Variants in MRTFB observed in about 807,000 individuals in gnomAD.
MRTFB encodes myocardin related transcription factor B.
MRTFB carries 29 observed loss-of-function variants against 104.2 expected under a neutral mutation model. That is an observed-to-expected ratio of 0.28 (90% confidence interval 0.21 to 0.38). The LOEUF is 0.38. Ranked by LOEUF, MRTFB falls within the 10% of genes least tolerant of loss-of-function variation. MRTFB has a pLI of 1.00. For missense variants in MRTFB, 1,270 were observed against 1,341.6 expected (o/e 0.95, Z 0.83); for synonymous variants, 535 against 519.5 (o/e 1.03, Z -0.41).
chr16:14,225,696 G>T (rs553448558), intron 8 of MRTFB, among the ~76,000 whole-genome samples: 262 of 143,028 alleles, frequency 1.8e-3, no homozygotes, highest in African/African-American at 6.9e-3. Flanking sequence ...ATTCATTCAT[G>T]CCTGGCTAAT....
At chr16:14,200,078 T>C (rs2040614113) in intron 3 of MRTFB, 3 of 534,364 alleles carry the variant, frequency 5.6e-6, no homozygotes, top group Non-Finnish European at 9.9e-6. Flanking sequence ...GCACAACCAT[T>C]TGGAAGGCAA....
At chr16:14,042,721 G>A in the MRTFB span, among the ~76,000 whole-genome samples, 2 of 152,128 alleles carry the variant, frequency 1.3e-5, no homozygotes, top group Non-Finnish European at 2.9e-5. Context: ...ACAGCTCCTT[G>A]CTTCTGAATT....
intron 11 of MRTFB, 25 bp from the exon 12 acceptor site, chr16:14,246,443 CTAAGA>C (rs2043020582): frequency 1.2e-6 from 2 of 1,604,770 alleles, no homozygotes; most frequent in African/African-American, 1.3e-5. Flanking sequence ...AGCTCTAATA[CTAAGA>C]TATCTGCTTT....
chr16:14,117,549 GTGTT>G (rs1297470555), intron 2 of MRTFB, among the ~76,000 whole-genome samples: 1 of 152,208 alleles, frequency 6.6e-6, no homozygotes, highest in Non-Finnish European at 1.5e-5. Context: ...AATGTCTGTT[GTGTT>G]TGTTTATGTT....
intron 3 of MRTFB, chr16:14,141,069 G>A: frequency 3.8e-6 from 1 of 265,576 alleles, no homozygotes. Flanking sequence ...TTCCTGTGCT[G>A]ATGCCGGGGA....
the MRTFB span, among the ~76,000 whole-genome samples, chr16:14,022,009 A>G: frequency 0.014 from 2,142 of 152,340 alleles, 42 homozygotes; most frequent in African/African-American, 0.049. Flanking sequence ...TTCTTCTGCC[A>G]CATACCTCTG....
chr16:14,112,459 C>G (rs2036322202), intron 2 of MRTFB, among the ~76,000 whole-genome samples: 3 of 152,206 alleles, frequency 2.0e-5, no homozygotes, highest in Non-Finnish European at 4.4e-5. Flanking sequence ...CAGTGATGAG[C>G]TGGCTCGCCT....
chr16:14,163,820 C>A (rs1477812046), intron 3 of MRTFB, among the ~76,000 whole-genome samples: 3 of 141,696 alleles, frequency 2.1e-5, no homozygotes, highest in Non-Finnish European at 4.5e-5. Flanking sequence ...GCAACAAGAG[C>A]GAAACTCTGT....
intron 3 of MRTFB, among the ~76,000 whole-genome samples, chr16:14,148,004 T>C (rs2038407774): frequency 6.6e-6 from 1 of 152,218 alleles, no homozygotes; most frequent in Admixed American, 6.5e-5. Flanking sequence ...AAGTACATTA[T>C]TTTCTATATA....
At chr16:14,242,791 TTC>T (rs1281191691) in intron 10 of MRTFB, among the ~76,000 whole-genome samples, 7 of 152,202 alleles carry the variant, frequency 4.6e-5, no homozygotes, top group African/African-American at 1.4e-4. Flanking sequence ...ATTAACATGT[TTC>T]TGTTATTTTA....
At chr16:14,138,668 G>A (rs1302509951) in intron 2 of MRTFB, among the ~76,000 whole-genome samples, 2 of 152,178 alleles carry the variant, frequency 1.3e-5, no homozygotes, top group Non-Finnish European at 2.9e-5. Context: ...GTGTATAGTT[G>A]AGGGATCAGC....
intron 9 of MRTFB, among the ~76,000 whole-genome samples, chr16:14,234,592 A>C (rs1055289123): frequency 6.6e-6 from 1 of 152,118 alleles, no homozygotes; most frequent in Non-Finnish European, 1.5e-5. Flanking sequence ...CCAGGAGTTT[A>C]AGAACAGCCT....
the MRTFB span, among the ~76,000 whole-genome samples, chr16:13,997,875 G>C: frequency 3.3e-4 from 50 of 151,242 alleles, no homozygotes; most frequent in Non-Finnish European, 6.0e-4. Flanking sequence ...CACAGAACCA[G>C]GAACCAGGTG....
At chr16:14,104,909 A>G (rs1347286433) in intron 2 of MRTFB, among the ~76,000 whole-genome samples, 2 of 152,194 alleles carry the variant, frequency 1.3e-5, no homozygotes, top group African/African-American at 2.4e-5. Flanking sequence ...TAGAGGACAC[A>G]TGGCACTGAA....
intron 8 of MRTFB, among the ~76,000 whole-genome samples, chr16:14,219,704 T>C (rs1160565533): frequency 6.6e-6 from 1 of 152,188 alleles, no homozygotes; most frequent in African/African-American, 2.4e-5. Flanking sequence ...TTCATGACCA[T>C]TGATTTGTTA....
chr16:14,176,864 A>G (rs1260442498), intron 3 of MRTFB, among the ~76,000 whole-genome samples: 1 of 152,256 alleles, frequency 6.6e-6, no homozygotes, highest in Admixed American at 6.5e-5. Flanking sequence ...TATTGTCATC[A>G]CATGGTGTGC....
intron 1 of MRTFB, among the ~76,000 whole-genome samples, chr16:14,075,729 A>G (rs927251480): frequency 1.3e-5 from 2 of 152,196 alleles, no homozygotes; most frequent in African/African-American, 4.8e-5. Flanking sequence ...ATAGATTATT[A>G]TAATCATATA....
At chr16:14,230,327 C>T (rs1328790688) in intron 8 of MRTFB, among the ~76,000 whole-genome samples, 2 of 152,126 alleles carry the variant, frequency 1.3e-5, no homozygotes, top group African/African-American at 4.8e-5. Context: ...AAAGAAACTA[C>T]CATCAGAGTG....
chr16:14,005,693 T>G, the MRTFB span, among the ~76,000 whole-genome samples: 1 of 152,174 alleles, frequency 6.6e-6, no homozygotes, highest in Admixed American at 6.5e-5. Context: ...CAGAGATTGC[T>G]GGATTCAATA....
Sources: allele counts gnomAD v4.1 joint callset (sites outside exome capture counted in the v4.1 genomes callset), GRCh38; gene constraint gnomAD v4.1.1; transcripts MANE v1.5; gene names NCBI Gene and HGNC (gene_info 2026-07-23, HGNC 2026-07-21).